TOP6BL: variants seen among roughly 807,000 people sequenced by gnomAD.
TOP6BL encodes the protein TOP6B like initiator of meiotic double strand breaks.
the TOP6BL span, among the ~76,000 whole-genome samples, chr11:66,804,587 G>T: frequency 6.6e-6 from 1 of 152,196 alleles, no homozygotes. Context: ...GAGTACGGAT[G>T]GGAGACAGAA....
the TOP6BL span, chr11:66,816,302 A>G: frequency 7.8e-7 from 1 of 1,281,358 alleles, no homozygotes; most frequent in Non-Finnish European, 1.0e-6. Flanking sequence ...ATTTCTGTAG[A>G]ATAAATAAGT....
At chr11:66,773,285 C>G in the TOP6BL span, among the ~76,000 whole-genome samples, 1 of 151,930 alleles carries the variant, frequency 6.6e-6, no homozygotes, top group South Asian at 2.1e-4. Context: ...AACTCCTGGG[C>G]TCAAGCGATC....
At chr11:66,788,066 CCTT>C in the TOP6BL span, 1 of 806,168 alleles carries the variant, frequency 1.2e-6, no homozygotes. Flanking sequence ...CAGGGAAAAG[CCTT>C]CTTGGCTCAC....
chr11:66,784,424 A>G, the TOP6BL span, among the ~76,000 whole-genome samples: 18 of 152,260 alleles, frequency 1.2e-4, no homozygotes, highest in South Asian at 3.5e-3. Flanking sequence ...GGCCTCCCAA[A>G]GTGCTGGGAC....
the TOP6BL span, chr11:66,815,952 A>G: frequency 8.2e-7 from 1 of 1,215,040 alleles, no homozygotes; most frequent in Non-Finnish European, 1.1e-6. Context: ...TAGATCTCCT[A>G]TTCTCAGATC....
the TOP6BL span, among the ~76,000 whole-genome samples, chr11:66,832,007 A>AC: frequency 9.3e-5 from 14 of 150,948 alleles, no homozygotes; most frequent in Admixed American, 4.0e-4. Context: ...AAAAAAAAAA[A>AC]AAAAAAAAAC....
chr11:66,799,067 C>T, the TOP6BL span, among the ~76,000 whole-genome samples: 3 of 151,968 alleles, frequency 2.0e-5, no homozygotes, highest in Non-Finnish European at 4.4e-5. Flanking sequence ...ATTAGCCGGG[C>T]ATGGTGGCGC....
chr11:66,842,544 T>C, the TOP6BL span, among the ~76,000 whole-genome samples: 1 of 152,108 alleles, frequency 6.6e-6, no homozygotes, highest in African/African-American at 2.4e-5. Context: ...GGAGGGGAGC[T>C]TGTCAGTGCA....
chr11:66,800,065 A>G, the TOP6BL span, among the ~76,000 whole-genome samples: 2 of 131,564 alleles, frequency 1.5e-5, no homozygotes, highest in Non-Finnish European at 3.3e-5. Context: ...ACCCTGTCTC[A>G]AAAAAAAAAA....
chr11:66,812,185 C>CTTTTTTTTTTTTTTT, the TOP6BL span, among the ~76,000 whole-genome samples: 35 of 140,294 alleles, frequency 2.5e-4, 1 homozygote, highest in African/African-American at 3.0e-4. Flanking sequence ...GAGTTTGCAT[C>CTTTTTTTTTTTTTTT]TTTTTTTTTG....
the TOP6BL span, among the ~76,000 whole-genome samples, chr11:66,772,699 G>A: frequency 6.6e-6 from 1 of 152,332 alleles, no homozygotes; most frequent in East Asian, 1.9e-4. Flanking sequence ...GAACCTGGAA[G>A]GTGGAGGTTG....
chr11:66,798,890 A>G, the TOP6BL span, among the ~76,000 whole-genome samples: 1 of 151,698 alleles, frequency 6.6e-6, no homozygotes, highest in South Asian at 2.1e-4. Context: ...TGGCCAACAT[A>G]GTGAAACCTT....
the TOP6BL span, chr11:66,804,341 A>C: frequency 1.3e-6 from 1 of 791,608 alleles, no homozygotes; most frequent in African/African-American, 1.8e-5. Context: ...GCCAAGCTTG[A>C]AAATTTTGCC....
the TOP6BL span, chr11:66,801,021 T>G: frequency 6.2e-7 from 1 of 1,613,692 alleles, no homozygotes; most frequent in Non-Finnish European, 8.5e-7. Flanking sequence ...AGCTTTGCTT[T>G]GCTTTGCAGG....
chr11:66,745,743 A>G, the TOP6BL span, among the ~76,000 whole-genome samples: 3 of 152,224 alleles, frequency 2.0e-5, no homozygotes, highest in African/African-American at 7.2e-5. Context: ...CTCATAGGCC[A>G]GTGTTCTTTT....
the TOP6BL span, among the ~76,000 whole-genome samples, chr11:66,773,735 ATTTC>A: frequency 2.6e-5 from 4 of 151,948 alleles, no homozygotes; most frequent in East Asian, 7.7e-4. Flanking sequence ...ATTTTATGTA[ATTTC>A]TTTTTTCTTT....
At chr11:66,837,448 T>C in the TOP6BL span, among the ~76,000 whole-genome samples, 2 of 143,900 alleles carry the variant, frequency 1.4e-5, no homozygotes, top group East Asian at 4.2e-4. Flanking sequence ...ATTTTTAATT[T>C]TTTTTTTTTT....
chr11:66,821,864 C>A, the TOP6BL span: 1 of 1,338,552 alleles, frequency 7.5e-7, no homozygotes, highest in Non-Finnish European at 1.0e-6. Context: ...CCCTTAATGC[C>A]CCTTCCTCTC....
the TOP6BL span, among the ~76,000 whole-genome samples, chr11:66,764,460 G>A: frequency 2.7e-5 from 4 of 149,108 alleles, no homozygotes; most frequent in Non-Finnish European, 3.0e-5. Flanking sequence ...AAACCAGCCT[G>A]GTCAACATAG....
Sources: allele counts gnomAD v4.1 joint callset (sites outside exome capture counted in the v4.1 genomes callset), GRCh38; gene constraint gnomAD v4.1.1; transcripts MANE v1.5; gene names NCBI Gene and HGNC (gene_info 2026-07-23, HGNC 2026-07-21).